The following TENM2 variants were observed in gnomAD, a reference collection of about 807,000 sequenced individuals.
TENM2 encodes the protein teneurin-2.
In TENM2, 52 loss-of-function variants were observed where a neutral mutation model predicts 245.2. The ratio of observed to expected loss-of-function variants is 0.21; its 90% CI spans 0.17 to 0.27. The LOEUF (loss-of-function observed/expected upper bound fraction) is 0.27, where lower values mean the gene tolerates loss of function less well. TENM2 is among the 10% of genes least tolerant of loss of function. The pLI, the probability that TENM2 is intolerant of heterozygous loss-of-function variation, is 1.00. For synonymous variants in TENM2, 1,363 were observed against 1,438.9 expected (o/e 0.95, Z 1.19); for missense variants, 3,046 against 3,666.8 (o/e 0.83, Z 4.37).
At chr5:167,717,769 A>G (rs1014727933) in intron 2 of TENM2, among the ~76,000 whole-genome samples, 1 of 152,128 alleles carries the variant, frequency 6.6e-6, no homozygotes, top group Non-Finnish European at 1.5e-5. Context: ...GAATCTGCAA[A>G]GCGGGATTGA....
intron 3 of TENM2, among the ~76,000 whole-genome samples, chr5:167,943,374 G>A (rs1406794914): frequency 6.6e-6 from 1 of 151,754 alleles, no homozygotes; most frequent in African/African-American, 2.4e-5. Context: ...TATGTTTGGG[G>A]GAAAGCACTG....
At position 167,353,570 on chromosome 5, in the gene TENM2, G is replaced by A. The variant is rs370789075; in HGVS notation, c.227-21628G>A. Reference sequence around the variant, plus strand: ...TCGCCCAGGCTGGAGTGCAGTGGCGGGATCTCGGCTCACTGCAAGCTCCGC... The same window carrying A: ...TCGCCCAGGCTGGAGTGCAGTGGCGAGATCTCGGCTCACTGCAAGCTCCGC... On this transcript the variant is annotated intron_variant, in intron 1 of 28. Coordinates refer to ENST00000518659, the Ensembl canonical transcript of TENM2. Among the ~76,000 whole-genome samples the A allele has an allele frequency of 2.1e-5, 3 of 143,666 alleles. No individual in the cohort carries two copies. The Admixed American group carries it at 2.1e-4, about 10-fold the overall frequency. 94.3% of individuals were successfully genotyped at this position (143,666 alleles called of 152,430 possible).
chr5:167,329,551 C>CAAAAAAAAAA lies in TENM2; in HGVS notation c.226+44508_226+44517dup, dbSNP rs34165505. Among the ~76,000 whole-genome samples the CAAAAAAAAAA allele has an allele frequency of 1.4e-4, 3 of 21,942 alleles. 1 individual carries two copies. The highest frequency in any genetic ancestry group is 2.4e-4 in the Non-Finnish European group (3 of 12,748). 14.4% of individuals were successfully genotyped at this position (21,942 alleles called of 152,430 possible). A position where few individuals can be genotyped will look rare whatever the true frequency, so the allele number is the denominator to read the frequency against. On this transcript the variant is annotated intron_variant, in intron 1 of 28. Transcript: ENST00000518659. The stretch of plus-strand genomic sequence containing the variant: ...TGTGTGACAGGGCCAGACTCAGTCT[C>CAAAAAAAAAA]AAAAAAAAAAAAAAAAAAAAAAAAA...
chr5:167,834,424 T>A (rs1252711684), intron 2 of TENM2, among the ~76,000 whole-genome samples: 1 of 152,204 alleles, frequency 6.6e-6, no homozygotes, highest in Admixed American at 6.5e-5. Context: ...CAAAGCAAGC[T>A]TAGGAAGTCT....
At chr5:167,417,270 C>G (rs1763218882) in intron 2 of TENM2, among the ~76,000 whole-genome samples, 1 of 152,170 alleles carries the variant, frequency 6.6e-6, no homozygotes, top group Admixed American at 6.5e-5. Flanking sequence ...TCTAATTTAA[C>G]ACCAACACTT....
chr5:167,000,370 G>A, the TENM2 span, among the ~76,000 whole-genome samples: 1 of 152,246 alleles, frequency 6.6e-6, no homozygotes, highest in East Asian at 1.9e-4. Context: ...ATGAAATTGG[G>A]CTGTTCATGG....
the TENM2 span, among the ~76,000 whole-genome samples, chr5:167,270,605 T>G: frequency 2.0e-5 from 3 of 152,132 alleles, no homozygotes; most frequent in Admixed American, 2.0e-4. Context: ...GATGGTGCCC[T>G]TACCCTTGAT....
chr5:167,313,597 TTTA>T (rs1320556420), intron 1 of TENM2, among the ~76,000 whole-genome samples: 1 of 152,146 alleles, frequency 6.6e-6, no homozygotes, highest in Non-Finnish European at 1.5e-5. Context: ...GCCTATAGCA[TTTA>T]TTATTAAGTC....
intron 3 of TENM2, among the ~76,000 whole-genome samples, chr5:167,903,019 T>C (rs1281527172): frequency 1.3e-5 from 2 of 152,244 alleles, no homozygotes; most frequent in East Asian, 3.8e-4. Flanking sequence ...ATGGATACAT[T>C]AATTAGCTTG....
intron 3 of TENM2, chr5:167,937,992 C>G (rs1252422386): frequency 6.6e-6 from 1 of 152,272 alleles, no homozygotes; most frequent in African/African-American, 2.4e-5. Context: ...AACTCAGAAC[C>G]CAGGGCAGGA....
At chr5:168,032,601 G>C (rs1414573471) in intron 5 of TENM2, among the ~76,000 whole-genome samples, 1 of 152,236 alleles carries the variant, frequency 6.6e-6, no homozygotes, top group African/African-American at 2.4e-5. Context: ...CCCTGAAGCA[G>C]TTTTTGTCCT....
At chr5:167,712,491 G>C in intron 2 of TENM2, among the ~76,000 whole-genome samples, 1 of 152,138 alleles carries the variant, frequency 6.6e-6, no homozygotes, top group South Asian at 2.1e-4. Context: ...GTCTAACTTG[G>C]TCATTTTACA....
At chr5:167,227,223 G>A in the TENM2 span, among the ~76,000 whole-genome samples, 1 of 151,740 alleles carries the variant, frequency 6.6e-6, no homozygotes, top group Non-Finnish European at 1.5e-5. Flanking sequence ...ATTGTTCATT[G>A]TTTTCTAGTT....
At chr5:167,304,746 G>C (rs958949483) in intron 1 of TENM2, among the ~76,000 whole-genome samples, 2 of 152,072 alleles carry the variant, frequency 1.3e-5, no homozygotes, top group African/African-American at 4.8e-5. Flanking sequence ...GAGTATCCTG[G>C]TTGAATTTTT....
intron 13 of TENM2, among the ~76,000 whole-genome samples, chr5:168,170,334 T>C (rs187167063): frequency 1.1e-4 from 17 of 152,104 alleles, no homozygotes; most frequent in African/African-American, 3.9e-4. Flanking sequence ...TGAAACTCTG[T>C]CTCTACTAAA....
the TENM2 span, among the ~76,000 whole-genome samples, chr5:166,988,140 G>A: frequency 2.0e-5 from 3 of 152,132 alleles, no homozygotes. Flanking sequence ...ACTTGGCCAG[G>A]CAGCTCTGAC....
intron 2 of TENM2, among the ~76,000 whole-genome samples, chr5:167,562,872 G>A (rs553152027): frequency 6.6e-6 from 1 of 150,998 alleles, no homozygotes; most frequent in Non-Finnish European, 1.5e-5. Flanking sequence ...CAGGAGAATC[G>A]CTTGAACCTG....
chr5:167,204,752 C>A, the TENM2 span, among the ~76,000 whole-genome samples: 3 of 152,262 alleles, frequency 2.0e-5, 1 homozygote, highest in Admixed American at 2.0e-4. Flanking sequence ...AAGCTTTCTT[C>A]AAAAGCTCAA....
At chr5:167,625,897 T>C (rs1304233926) in intron 2 of TENM2, among the ~76,000 whole-genome samples, 2 of 152,204 alleles carry the variant, frequency 1.3e-5, no homozygotes, top group Non-Finnish European at 2.9e-5. Context: ...AGGTTTTCCC[T>C]GCTGGAGTCC....
Sources: allele counts gnomAD v4.1 joint callset (sites outside exome capture counted in the v4.1 genomes callset), GRCh38; gene constraint gnomAD v4.1.1; transcripts MANE v1.5; gene names NCBI Gene and HGNC (gene_info 2026-07-23, HGNC 2026-07-21).